The following SGCZ variants were observed in gnomAD, a reference collection of about 807,000 sequenced individuals.
SGCZ encodes the protein zeta-sarcoglycan.
A neutral mutation model predicts 41.3 loss-of-function variants in SGCZ; 40 were observed. The observed-to-expected ratio is 0.97, with a 90% CI of 0.75 to 1.26. The LOEUF (loss-of-function observed/expected upper bound fraction) is 1.26, where lower values mean the gene tolerates loss of function less well. Among genes scored for constraint, SGCZ ranks in the 50% most tolerant of loss-of-function variants. The probability of loss-of-function intolerance (pLI) is 0.00; values close to 1 mark genes in which losing one functional copy is unlikely to be tolerated. For synonymous variants in SGCZ, 206 were observed against 137.5 expected, an observed-to-expected ratio of 1.50 and a Z score of -3.49; for missense variants, 552 against 369.8, an observed-to-expected ratio of 1.49 and a Z score of -4.04.
At chr8:14,311,277 A>C (rs1030076658) in intron 3 of SGCZ, among the ~76,000 whole-genome samples, 1 of 152,130 alleles carries the variant, frequency 6.6e-6, no homozygotes, top group African/African-American at 2.4e-5. Flanking sequence ...TCTAAAGAAG[A>C]GTAACTTTAA....
At chr8:15,049,315 T>G (rs1804430744) in intron 1 of SGCZ, among the ~76,000 whole-genome samples, 1 of 152,064 alleles carries the variant, frequency 6.6e-6, no homozygotes, top group African/African-American at 2.4e-5. Context: ...AGGAGGAGTT[T>G]GGTCTATTCA....
intron 4 of SGCZ, among the ~76,000 whole-genome samples, chr8:14,196,762 G>A (rs1468765964): frequency 6.6e-5 from 10 of 151,996 alleles, no homozygotes; most frequent in South Asian, 4.2e-4. Flanking sequence ...AGCATGCTAC[G>A]TGAAAGAAAC....
chr8:14,580,690 GC>G (rs1389036625), intron 1 of SGCZ, among the ~76,000 whole-genome samples: 3 of 152,204 alleles, frequency 2.0e-5, no homozygotes, highest in African/African-American at 4.8e-5. Flanking sequence ...TTTTGGGAAA[GC>G]TTTTGGCAAA....
intron 1 of SGCZ, among the ~76,000 whole-genome samples, chr8:14,872,794 A>G (rs1418790673): frequency 6.6e-6 from 1 of 152,138 alleles, no homozygotes; most frequent in Admixed American, 6.6e-5. Context: ...ATATGGCTAT[A>G]CTATTTTATT....
In SGCZ at chr8:14,085,561, TA is replaced by T. The variant is rs1801500151; in HGVS notation, c.*4881del. On this transcript the variant is annotated 3_prime_UTR_variant, in exon 8 of 8. Coordinates refer to ENST00000382080, the MANE Select transcript of SGCZ (RefSeq NM_139167.4). ...ATGCAGAGCCACCTCAGTTAACAAT[TA>T]AAAAATAGCCCTCTGGTTCTACAAG... Among the ~76,000 whole-genome samples the T allele has an allele frequency of 1.3e-5, 2 of 151,942 alleles. No individual in the cohort carries two copies. The highest frequency in any genetic ancestry group is 6.6e-5 in the Admixed American group (1 of 15,212).
intron 2 of SGCZ, among the ~76,000 whole-genome samples, chr8:14,433,579 G>C (rs973463794): frequency 6.6e-6 from 1 of 151,978 alleles, no homozygotes; most frequent in African/African-American, 2.4e-5. Flanking sequence ...CTGCCATTAT[G>C]ATCTTCCATC....
intron 1 of SGCZ, among the ~76,000 whole-genome samples, chr8:14,616,187 G>A (rs1806096081): frequency 6.6e-6 from 1 of 151,956 alleles, no homozygotes; most frequent in African/African-American, 2.4e-5. Context: ...GGAGGCTGAG[G>A]CAGGAGAATG....
intron 1 of SGCZ, among the ~76,000 whole-genome samples, chr8:14,799,311 C>G (rs1219291904): frequency 6.6e-6 from 1 of 151,998 alleles, no homozygotes; most frequent in East Asian, 1.9e-4. Flanking sequence ...TGCTCTTGAG[C>G]AAAAAGTTGG....
intron 1 of SGCZ, among the ~76,000 whole-genome samples, chr8:14,676,906 G>A (rs955634291): frequency 6.6e-6 from 1 of 152,018 alleles, no homozygotes; most frequent in Admixed American, 6.6e-5. Context: ...TAAGGAATAA[G>A]GTAAGGATGC....
chr8:14,783,947 T>G (rs978121943), intron 1 of SGCZ, among the ~76,000 whole-genome samples: 4 of 152,210 alleles, frequency 2.6e-5, no homozygotes, highest in African/African-American at 9.6e-5. Flanking sequence ...AGAATCATTC[T>G]TGTTCTTCAG....
At chr8:14,587,865 G>A (rs945280919) in intron 1 of SGCZ, among the ~76,000 whole-genome samples, 2 of 152,026 alleles carry the variant, frequency 1.3e-5, no homozygotes, top group African/African-American at 4.8e-5. Context: ...TTTACCAAAT[G>A]CATTGTATTA....
chr8:14,922,465 AT>A (rs930295181), intron 1 of SGCZ, among the ~76,000 whole-genome samples: 1 of 151,972 alleles, frequency 6.6e-6, no homozygotes, highest in Non-Finnish European at 1.5e-5. Flanking sequence ...ATTTATTGTT[AT>A]TTTTTGAGAT....
chr8:14,916,767 C>T (rs1799450231), intron 1 of SGCZ, among the ~76,000 whole-genome samples: 1 of 151,858 alleles, frequency 6.6e-6, no homozygotes, highest in Non-Finnish European at 1.5e-5. Flanking sequence ...CCCACATATG[C>T]ATCTAAGTGG....
chr8:14,488,662 A>G (rs929145563), intron 2 of SGCZ, among the ~76,000 whole-genome samples: 13 of 152,214 alleles, frequency 8.5e-5, no homozygotes, highest in African/African-American at 3.1e-4. Flanking sequence ...CTAAACTTCA[A>G]TTAGAAAACA....
intron 1 of SGCZ, among the ~76,000 whole-genome samples, chr8:14,960,924 G>A (rs1374595929): frequency 8.0e-6 from 1 of 125,532 alleles, no homozygotes; most frequent in Non-Finnish European, 1.6e-5. Flanking sequence ...TCTACTGCAA[G>A]GAAATGGCAC....
intron 2 of SGCZ, among the ~76,000 whole-genome samples, chr8:14,549,564 C>G (rs1803737227): frequency 6.6e-6 from 1 of 152,004 alleles, no homozygotes; most frequent in South Asian, 2.1e-4. Flanking sequence ...ACTATGTGCT[C>G]AACCAAGATA....
At chr8:14,909,408 C>T (rs570189691) in intron 1 of SGCZ, among the ~76,000 whole-genome samples, 7 of 152,104 alleles carry the variant, frequency 4.6e-5, no homozygotes, top group Admixed American at 1.3e-4. Context: ...AACGTTACAA[C>T]GTATTTCTCT....
chr8:14,090,942 GAC>G (rs1801670945), intron 7 of SGCZ, among the ~76,000 whole-genome samples: 1 of 151,902 alleles, frequency 6.6e-6, no homozygotes, highest in African/African-American at 2.4e-5. Flanking sequence ...TAATGATTTT[GAC>G]AGTCTCTCAA....
At chr8:14,415,971 C>T (rs1300736535) in intron 2 of SGCZ, among the ~76,000 whole-genome samples, 1 of 151,820 alleles carries the variant, frequency 6.6e-6, no homozygotes, top group Non-Finnish European at 1.5e-5. Flanking sequence ...TGGAAACATG[C>T]TTATTTATTG....
Sources: gnomAD v4.1 joint callset for allele counts (sites outside exome capture counted in the v4.1 genomes callset) on GRCh38, gnomAD v4.1.1 for gene constraint, MANE v1.5 for transcripts, NCBI Gene and HGNC (gene_info 2026-07-23, HGNC 2026-07-21) for gene names.